Variants in ATG7 observed in about 807,000 individuals in gnomAD.
ATG7 encodes the protein autophagy related 7.
A neutral mutation model predicts 82.4 loss-of-function variants in ATG7; 70 were observed. The ratio of observed to expected loss-of-function variants is 0.85; its 90% confidence interval spans 0.70 to 1.04. ATG7 has a LOEUF of 1.04. Among genes scored for constraint, ATG7 ranks in the 50% least tolerant of loss-of-function variants. The pLI is 0.00. For synonymous variants in ATG7, 287 were observed against 313.0 expected (o/e 0.92, Z 0.88); for missense variants, 792 against 864.3 (o/e 0.92, Z 1.05).
rs749621670 is a variant in ATG7, at chr3:11,380,104, A to G, written c.1956+52A>G. 2.8e-5 allele frequency: 43 copies of G among 1,549,392 alleles called. No homozygotes were observed. The African/African-American group carries it at 3.3e-4, about 12-fold the overall frequency. ...TGTTTTTAAAAGTGAGCGGGTCAGC[A>G]TTTGACCGCAGCCTCACCAGCTGGA... On this transcript the variant is annotated intron_variant, in intron 19 of 20. Coordinates refer to ENST00000693202, the MANE Select transcript of ATG7 (RefSeq NM_001349232.2).
chr3:11,345,522 TC>T (rs1203343065), intron 13 of ATG7, among the ~76,000 whole-genome samples: 10 of 152,368 alleles, frequency 6.6e-5, no homozygotes, highest in African/African-American at 2.2e-4. Flanking sequence ...GTACTGCTTT[TC>T]TAGCTTTAAA....
chr3:11,414,973 G>T (rs1559571291), intron 19 of ATG7, among the ~76,000 whole-genome samples: 1 of 152,198 alleles, frequency 6.6e-6, no homozygotes, highest in Non-Finnish European at 1.5e-5. Context: ...TACCTTCTGA[G>T]AAATGTGTTT....
chr3:11,564,385 G>T, the ATG7 span, among the ~76,000 whole-genome samples: 1 of 136,004 alleles, frequency 7.4e-6, no homozygotes, highest in Non-Finnish European at 1.6e-5. Flanking sequence ...CCGCGTGACC[G>T]TCTAAAGGAG....
chr3:11,335,600 G>A (rs1469502213), intron 11 of ATG7, among the ~76,000 whole-genome samples: 1 of 152,172 alleles, frequency 6.6e-6, no homozygotes, highest in East Asian at 1.9e-4. Context: ...CAACCACTCT[G>A]CAGAGAGGCA....
intron 20 of ATG7, among the ~76,000 whole-genome samples, chr3:11,463,181 G>A (rs1042425029): frequency 1.3e-5 from 2 of 151,646 alleles, no homozygotes; most frequent in East Asian, 1.9e-4. Context: ...CACCATGCCC[G>A]GCCCCTCTCA....
At chr3:11,328,738 G>A (rs1402878602) in intron 9 of ATG7, among the ~76,000 whole-genome samples, 1 of 152,162 alleles carries the variant, frequency 6.6e-6, no homozygotes, top group Non-Finnish European at 1.5e-5. Flanking sequence ...TACTCACAAT[G>A]GTTATAGAAC....
At chr3:11,500,569 A>C (rs530212043) in intron 20 of ATG7, among the ~76,000 whole-genome samples, 1 of 152,364 alleles carries the variant, frequency 6.6e-6, no homozygotes, top group Non-Finnish European at 1.5e-5. Flanking sequence ...GCCATGTAGA[A>C]AATGATGTGA....
intron 20 of ATG7, among the ~76,000 whole-genome samples, chr3:11,525,698 G>A (rs1055197601): frequency 1.4e-4 from 21 of 151,646 alleles, no homozygotes; most frequent in Non-Finnish European, 2.9e-4. Flanking sequence ...GGAACTACAG[G>A]TACCCGCCAC....
At chr3:11,371,964 C>T (rs191337084) in intron 18 of ATG7, among the ~76,000 whole-genome samples, 50 of 151,384 alleles carry the variant, frequency 3.3e-4, no homozygotes, top group East Asian at 1.9e-3. Flanking sequence ...GGGAACAGCC[C>T]GGGAGCGAGG....
chr3:11,440,012 CAG>C (rs532728548), intron 20 of ATG7, among the ~76,000 whole-genome samples: 7 of 152,196 alleles, frequency 4.6e-5, no homozygotes, highest in Non-Finnish European at 1.0e-4. Flanking sequence ...AGGCTGGAAT[CAG>C]AGAGGAAGAA....
intron 20 of ATG7, among the ~76,000 whole-genome samples, chr3:11,520,474 A>T (rs1575169608): frequency 6.6e-6 from 1 of 152,244 alleles, no homozygotes; most frequent in African/African-American, 2.4e-5. Flanking sequence ...ACCAGTAGCT[A>T]TTATGGCTAC....
chr3:11,361,116 C>A (rs1181281418), intron 16 of ATG7, among the ~76,000 whole-genome samples: 1 of 152,132 alleles, frequency 6.6e-6, no homozygotes, highest in African/African-American at 2.4e-5. Context: ...AATCAGGAGT[C>A]TAAAGACCAG....
At chr3:11,430,647 A>G (rs2082789911) in intron 20 of ATG7, among the ~76,000 whole-genome samples, 1 of 152,234 alleles carries the variant, frequency 6.6e-6, no homozygotes. Context: ...ATCTGATACC[A>G]AGCACTGTGC....
chr3:11,397,168 C>T (rs1034373098), intron 19 of ATG7, among the ~76,000 whole-genome samples: 5 of 151,910 alleles, frequency 3.3e-5, no homozygotes, highest in Non-Finnish European at 5.9e-5. Flanking sequence ...ATGCATTATA[C>T]AAGCAATATA....
chr3:11,556,092 G>C lies in ATG7; in HGVS notation c.*1249G>C, dbSNP rs1045829962. 6.6e-6 allele frequency: 1 copy of C among 152,640 alleles called. No individual in the cohort carries two copies. The highest frequency in any genetic ancestry group is 6.5e-5 in the Admixed American group (1 of 15,270). The allele number at this position is 152,640 out of a possible 1,614,324, so 9.5% of individuals were successfully genotyped here. On this transcript the variant is annotated 3_prime_UTR_variant, in exon 21 of 21. Coordinates refer to ENST00000693202, the MANE Select transcript of ATG7 (RefSeq NM_001349232.2). ...TGTGGTTTAAGAGCACTTTATTATT[G>C]TTCTTAAGGCTACTTTTAAGTACAA...
At position 11,327,320 on chromosome 3, in the gene ATG7, C is replaced by G. The variant is rs141136251; in HGVS notation, c.679-4020C>G. 1.8e-3 allele frequency among the ~76,000 whole-genome samples: 273 copies of G among 152,320 alleles called. 7 individuals carry two copies. Among genetic ancestry groups the G allele is most frequent in the Admixed American group, 0.013 (195 of 15,296 alleles). Reference sequence around the variant, plus strand: ...TTTTTCTACAGTCAGGAATTTCTTACAATTGTGTATATTTATGCAGTGAAC... The same window carrying G: ...TTTTTCTACAGTCAGGAATTTCTTAGAATTGTGTATATTTATGCAGTGAAC... On this transcript the variant is annotated intron_variant, in intron 9 of 20. Coordinates refer to ENST00000693202, the MANE Select transcript of ATG7 (RefSeq NM_001349232.2).
chr3:11,395,566 A>C (rs1017652531), intron 19 of ATG7, among the ~76,000 whole-genome samples: 1 of 152,202 alleles, frequency 6.6e-6, no homozygotes, highest in African/African-American at 2.4e-5. Context: ...TGTGAGCCAC[A>C]TGACAATGGA....
intron 19 of ATG7, among the ~76,000 whole-genome samples, chr3:11,407,796 G>A: frequency 6.6e-6 from 1 of 152,196 alleles, no homozygotes; most frequent in East Asian, 1.9e-4. Context: ...TGGGATGCAG[G>A]GCACCAAGTC....
At chr3:11,519,963 G>C (rs2092399662) in intron 20 of ATG7, among the ~76,000 whole-genome samples, 1 of 151,922 alleles carries the variant, frequency 6.6e-6, no homozygotes. Flanking sequence ...GATTTTTTGG[G>C]ATCTTACCAC....
Sources: gnomAD v4.1 joint callset for allele counts (sites outside exome capture counted in the v4.1 genomes callset) on GRCh38, gnomAD v4.1.1 for gene constraint, MANE v1.5 for transcripts, NCBI Gene and HGNC (gene_info 2026-07-23, HGNC 2026-07-21) for gene names.